Variants in MYB observed in about 807,000 individuals in gnomAD.
MYB encodes transcriptional activator Myb.
A neutral mutation model predicts 92.9 loss-of-function variants in MYB; 28 were observed. The ratio of observed to expected loss-of-function variants is 0.30; its 90% CI spans 0.22 to 0.41. The LOEUF (loss-of-function observed/expected upper bound fraction) is 0.41, where lower values mean the gene tolerates loss of function less well. MYB is among the 10% of genes least tolerant of loss of function. The pLI is 1.00. For synonymous variants in MYB, 295 were observed against 329.1 expected (o/e 0.90, Z 1.12); for missense variants, 679 against 929.3 (o/e 0.73, Z 3.50).
intron 6 of MYB, 52 bp downstream of exon 6, chr6:135,192,610 C>T (rs1339075435): frequency 6.5e-7 from 1 of 1,528,272 alleles, no homozygotes; most frequent in Non-Finnish European, 9.1e-7. Context: ...TAGTTTAGCT[C>T]CAGGTAATAA....
chr6:135,195,331 C>CTCGGTGGTCGCAGTATCATT, intron 8 of MYB: 1 of 254,514 alleles, frequency 3.9e-6, no homozygotes, highest in Non-Finnish European at 7.8e-6. Context: ...ATGTGTAGAT[C>CTCGGTGGTCGCAGTATCATT]AAAGCAACTC....
At position 135,217,335 on chromosome 6, in the gene MYB, G is replaced by A. The variant is rs140659814; in HGVS notation, c.2170-529G>A. 2.6e-3 allele frequency among the ~76,000 whole-genome samples: 399 copies of A among 150,896 alleles called. 1 individual carries two copies. Among genetic ancestry groups the A allele is most frequent in the African/African-American group, 8.9e-3 (365 of 41,148 alleles). On this transcript the variant is annotated intron_variant, in intron 15 of 15. Coordinates refer to ENST00000341911, the MANE Select transcript of MYB (RefSeq NM_001130173.2). Reference sequence around the variant, plus strand: ...AGTGAGCTGTGATTGCACCAATACCGATCAGCCTGGTATGACAGAGCATGA... The same window carrying A: ...AGTGAGCTGTGATTGCACCAATACCAATCAGCCTGGTATGACAGAGCATGA...
At chr6:135,200,825 TC>T (rs1777969929) in intron 13 of MYB, among the ~76,000 whole-genome samples, 1 of 152,154 alleles carries the variant, frequency 6.6e-6, no homozygotes, top group Non-Finnish European at 1.5e-5. Flanking sequence ...ATACCTGTAA[TC>T]CCAGCACTTT....
Position 135,203,736 on chromosome 6 carries a change from G to A in MYB, c.2169+412G>A, listed in dbSNP as rs372281530. 1.5e-5 allele frequency: 21 copies of A among 1,367,542 alleles called. No homozygotes were observed. In the African/African-American group the frequency reaches 3.0e-4, roughly 20 times the overall value. The allele number at this position is 1,367,542 out of a possible 1,614,324, so 84.7% of individuals were successfully genotyped here. On this transcript the variant is annotated intron_variant, in intron 15 of 15. Transcript: ENST00000341911. The stretch of plus-strand genomic sequence containing the variant: ...CCTAGGCAACCAAAGCTCAGAGACT[G>A]TTCCAATTTTAAATGAAGTCTGAAA...
At chr6:135,217,687 G>A (rs1238360105) in intron 15 of MYB, among the ~76,000 whole-genome samples, 177 bp from the exon 16 acceptor site, 1 of 152,160 alleles carries the variant, frequency 6.6e-6, no homozygotes, top group Admixed American at 6.5e-5. Flanking sequence ...AATAATTTCT[G>A]ATCATCCATA....
intron 8 of MYB, chr6:135,195,496 A>G: frequency 2.0e-6 from 1 of 496,634 alleles, no homozygotes; most frequent in South Asian, 3.6e-5. Flanking sequence ...ATATAGACCT[A>G]TGATTTGACA....
In MYB at chr6:135,197,215, G is replaced by C; in HGVS notation, c.1458G>C (p.Gln486His). The change falls in exon 10 of 16, where the codon CAG (glutamine) becomes CAC (histidine). Residue 486 changes from glutamine to histidine, a missense_variant. By Grantham distance (24) the Gln-to-His change is conservative. Around this residue, in one of 8 missense-constraint regions of MYB, gnomAD observed 402 missense variants for 434.2 expected, o/e 0.93. Transcript: ENST00000341911. ...TCATCCTTCGAAAAAAACGGGGCCA[G>C]GCCAGCCCCTTAGCCACTGGAGACT... ...PLVILRKKRGQASPLATGDCS... is the reference protein window; with the variant it reads ...PLVILRKKRGHASPLATGDCS... 1.2e-6 allele frequency: 2 copies of C among 1,613,952 alleles called. No individual in the cohort carries two copies. Among genetic ancestry groups the C allele is most frequent in the Non-Finnish European group, 8.5e-7 (1 of 1,179,880 alleles).
chr6:135,194,860 C>T, intron 8 of MYB: 1 of 1,102,316 alleles, frequency 9.1e-7, no homozygotes, highest in Non-Finnish European at 1.2e-6. Flanking sequence ...TAATTTCAGA[C>T]ATGATTTGAT....
At chr6:135,202,498 A>C (rs981684964) in intron 14 of MYB, 8 of 154,980 alleles carry the variant, frequency 5.2e-5, no homozygotes, top group African/African-American at 1.9e-4. Flanking sequence ...TCTCCCGAGA[A>C]GCTGGGATTA....
intron 15 of MYB, among the ~76,000 whole-genome samples, chr6:135,204,124 G>A (rs1778523709): frequency 6.6e-6 from 1 of 152,280 alleles, no homozygotes; most frequent in African/African-American, 2.4e-5. Context: ...GAAGCTGAAG[G>A]TCATATTTCT....
At chr6:135,217,097 C>G (rs1236306507) in intron 15 of MYB, among the ~76,000 whole-genome samples, 1 of 152,172 alleles carries the variant, frequency 6.6e-6, no homozygotes, top group Non-Finnish European at 1.5e-5. Flanking sequence ...TTAAACTATA[C>G]TGGCTTCATG....
chr6:135,195,324 T>C (rs921087509), intron 8 of MYB: 4 of 282,896 alleles, frequency 1.4e-5, no homozygotes, highest in African/African-American at 6.6e-5. Context: ...CAAGAATATG[T>C]GTAGATCAAA....
At position 135,197,291 on chromosome 6, in the gene MYB, CCT is replaced by C; in HGVS notation, c.1535_1536del (p.Pro512ArgfsTer17). The C allele has an allele frequency of 6.2e-7, 1 of 1,613,372 alleles. No homozygotes were observed. Among genetic ancestry groups the C allele is most frequent in the Non-Finnish European group, 8.5e-7 (1 of 1,179,560 alleles). On this transcript the variant is annotated frameshift_variant, in exon 10 of 16. Coordinates refer to ENST00000341911, the MANE Select transcript of MYB (RefSeq NM_001130173.2). LOFTEE classifies it high-confidence loss of function. ...DVSSSTPKRSPVKSLPFSPSQ... is the reference protein window; with the variant it reads ...DVSSSTPKRSXVKSLPFSPSQ... ...CAGCAGTTCAACTCCCAAGCGTTCC[CCT>C]GTCAAAAGCCTACCCTTCTCTCCCT... is the stretch of plus-strand genomic sequence containing the variant.
chr6:135,212,105 G>A (rs148930839), intron 15 of MYB, among the ~76,000 whole-genome samples: 1 of 151,576 alleles, frequency 6.6e-6, no homozygotes, highest in East Asian at 1.9e-4. Flanking sequence ...TCAGATAGGT[G>A]AAATAGAATA....
chr6:135,197,117 CG>C lies in MYB; in HGVS notation c.1361del (p.Arg454LeufsTer3), dbSNP rs779207970. ...AGEPSPRVNK[R>X]MLSESSLDPP... ...AGAACCTAGCCCAAGGGTGAACAAA[CG>C]TATGTTGAGTGAGAGTTCACTTGAC... On this transcript the variant is annotated frameshift_variant, in exon 10 of 16. Coordinates refer to ENST00000341911, the MANE Select transcript of MYB (RefSeq NM_001130173.2). LOFTEE classifies it high-confidence loss of function. 1.2e-6 allele frequency: 2 copies of C among 1,614,002 alleles called. No individual in the cohort carries two copies. Among genetic ancestry groups the C allele is most frequent in the Non-Finnish European group, 1.7e-6 (2 of 1,179,900 alleles).
chr6:135,218,118 G>C lies in MYB; in HGVS notation c.*138G>C. ...GTACAACAGTTGAGAGCAGCACCAA[G>C]TGCATTTAGTTGAATGAAGTCTTCT... On this transcript the variant is annotated 3_prime_UTR_variant, in exon 16 of 16. Coordinates refer to ENST00000341911, the MANE Select transcript of MYB (RefSeq NM_001130173.2). 1 of 634,262 alleles carries C rather than the reference G, an allele frequency of 1.6e-6. No homozygotes were observed. Among genetic ancestry groups the C allele is most frequent in the Non-Finnish European group, 2.7e-6 (1 of 364,072 alleles). 39.3% of individuals were successfully genotyped at this position (634,262 alleles called of 1,614,324 possible). A position where few individuals can be genotyped will look rare whatever the true frequency, so the allele number is the denominator to read the frequency against.
chr6:135,186,607 A>C (rs1216689052), intron 2 of MYB, among the ~76,000 whole-genome samples: 1 of 152,166 alleles, frequency 6.6e-6, no homozygotes, highest in African/African-American at 2.4e-5. Context: ...AAAACAAAAC[A>C]CTCAGAGAAC....
At chr6:135,184,771 TGGTC>T (rs896473324) in intron 1 of MYB, among the ~76,000 whole-genome samples, 64 of 152,328 alleles carry the variant, frequency 4.2e-4, no homozygotes, top group Admixed American at 2.7e-3. Context: ...TTGTTTTTAT[TGGTC>T]TTAGTTTAAT....
rs760131521 is a variant in MYB at position 135,186,033 on chromosome 6, T to C, written c.141+13T>C. On this transcript the variant is annotated intron_variant, in intron 2 of 15. Coordinates refer to ENST00000341911, the MANE Select transcript of MYB (RefSeq NM_001130173.2). ...GACCCGGGAAGAGGTAACTAATCAT[T>C]TTATCAAGACGCAGAAAATAGATAG... 1.2e-6 allele frequency: 2 copies of C among 1,603,142 alleles called. No individual in the cohort carries two copies. Among genetic ancestry groups the C allele is most frequent in the East Asian group, 4.5e-5 (2 of 44,838 alleles).
Sources: allele counts gnomAD v4.1 joint callset (sites outside exome capture counted in the v4.1 genomes callset), GRCh38; gene constraint gnomAD v4.1.1; regional missense constraint gnomAD v4.1.1; transcripts MANE v1.5; gene names NCBI Gene and HGNC (gene_info 2026-07-23, HGNC 2026-07-21).